The following PALM2AKAP2 variants were observed in gnomAD, a reference collection of about 807,000 sequenced individuals.
PALM2AKAP2 encodes PALM2 and AKAP2 fusion, also known as PALM2-AKAP2 fusion protein.
PALM2AKAP2 carries 37 observed loss-of-function variants against 71.5 expected under a neutral mutation model. That is an observed-to-expected ratio of 0.52 (90% confidence interval 0.40 to 0.68). PALM2AKAP2 has a LOEUF of 0.68. Ranked by LOEUF, PALM2AKAP2 falls within the 30% of genes least tolerant of loss-of-function variation. The pLI, the probability that PALM2AKAP2 is intolerant of heterozygous loss-of-function variation, is 0.00. For missense variants in PALM2AKAP2, 1,224 were observed against 1,191.8 expected (o/e 1.03, Z -0.40); for synonymous variants, 468 against 478.8 (o/e 0.98, Z 0.29).
chr9:110,106,997 G>T (rs11788194), intron 1 of PALM2AKAP2, among the ~76,000 whole-genome samples: 2 of 152,226 alleles, frequency 1.3e-5, no homozygotes, highest in East Asian at 3.9e-4. Context: ...CCGATGGAAG[G>T]TTAAGCTGAA....
Position 110,156,351 on chromosome 9 carries a change from C to T in PALM2AKAP2, c.2602C>T (p.Pro868Ser), listed in dbSNP as rs780584164. The change falls in exon 3 of 4, where the codon CCC becomes TCC. Residue 868 changes from proline (P) to serine (S), a missense_variant. By Grantham distance (74) the Pro-to-Ser change is moderately conservative (BLOSUM62 -1). Coordinates refer to ENST00000374525, the Ensembl canonical transcript of PALM2AKAP2. ...AGAGAAAGTCAAACCTCCTCCATCC[C>T]CCACCACTGAAGGCCCCAGCTTGCA... 66 of 1,604,890 alleles carry T rather than the reference C, an allele frequency of 4.1e-5. No individual in the cohort carries two copies. Among genetic ancestry groups the T allele is most frequent in the Non-Finnish European group, 4.3e-5 (50 of 1,176,162 alleles).
chr9:109,782,794 GAGAGCCAATTA>G (rs1826855711), intron 1 of PALM2AKAP2, among the ~76,000 whole-genome samples: 1 of 151,758 alleles, frequency 6.6e-6, no homozygotes, highest in Non-Finnish European at 1.5e-5. Context: ...GTGTGAGAGA[GAGAGCCAATTA>G]AGAGACAGAG....
intron 1 of PALM2AKAP2, among the ~76,000 whole-genome samples, chr9:109,643,169 A>C (rs1163281583): frequency 6.6e-6 from 1 of 152,216 alleles, no homozygotes; most frequent in African/African-American, 2.4e-5. Flanking sequence ...AGAGTAACAT[A>C]ATTCCCAAGA....
intron 1 of PALM2AKAP2, among the ~76,000 whole-genome samples, chr9:109,743,092 G>A (rs950045214): frequency 6.6e-6 from 1 of 152,018 alleles, no homozygotes; most frequent in Non-Finnish European, 1.5e-5. Context: ...TTTAAGGCAG[G>A]CAAAAAGCTG....
intron 7 of PALM2AKAP2, among the ~76,000 whole-genome samples, chr9:110,040,723 A>C (rs1833497166): frequency 6.6e-6 from 1 of 152,218 alleles, no homozygotes; most frequent in South Asian, 2.1e-4. Flanking sequence ...AAAAGAAGTT[A>C]AGCACCACTG....
At chr9:110,032,533 A>G (rs1833298775) in intron 7 of PALM2AKAP2, among the ~76,000 whole-genome samples, 1 of 151,922 alleles carries the variant, frequency 6.6e-6, no homozygotes, top group Non-Finnish European at 1.5e-5. Context: ...TCTACTAAAA[A>G]TACAAAAATT....
chr9:109,720,252 G>T (rs919818315), intron 1 of PALM2AKAP2, among the ~76,000 whole-genome samples: 5 of 152,134 alleles, frequency 3.3e-5, no homozygotes, highest in Non-Finnish European at 4.4e-5. Flanking sequence ...GCTTCCCAAA[G>T]TGCTGGGATT....
Position 110,136,444 on chromosome 9 carries a change from G to C in PALM2AKAP2, c.474G>C (p.Val158=), listed in dbSNP as rs571404300. The C allele has an allele frequency of 3.1e-6, 5 of 1,614,146 alleles. No homozygotes were observed. In the East Asian group the frequency reaches 8.9e-5, roughly 29 times the overall value. Residue 158 remains valine, a synonymous_variant, in exon 2 of 4, where the codon GTG becomes GTC. Transcript: ENST00000374525. The stretch of plus-strand genomic sequence containing the variant: ...AGGCCAACTGCTGTGATTCTGCTGT[G>C]GATGGAACGTACAATGGAACATCCT...
intron 2 of PALM2AKAP2, among the ~76,000 whole-genome samples, chr9:109,871,317 A>G (rs928467692): frequency 2.6e-5 from 4 of 152,182 alleles, no homozygotes; most frequent in African/African-American, 9.6e-5. Flanking sequence ...ACTAACTGCT[A>G]CATCCCAGTG....
Position 110,135,164 on chromosome 9 carries a change from A to AAAAAAAAAAATATATATAT in PALM2AKAP2, c.157-962_157-961insAAAAAAAAATATATATATA. On this transcript the variant is annotated intron_variant, in intron 1 of 3. Coordinates refer to ENST00000374525, the Ensembl canonical transcript of PALM2AKAP2. ...AACTCTGTCTCTACAAAAAAAAAAA[A>AAAAAAAAAAATATATATAT]ATATATAAATATATATATATATATA... 2.1e-4 allele frequency among the ~76,000 whole-genome samples: 11 copies of AAAAAAAAAAATATATATAT among 51,728 alleles called. 1 individual carries two copies. The South Asian group carries it at 2.2e-3, about 10-fold the overall frequency. The allele number at this position is 51,728 out of a possible 152,430, so 33.9% of individuals were successfully genotyped here. A position where few individuals can be genotyped will look rare whatever the true frequency, so the allele number is the denominator to read the frequency against.
At chr9:109,791,709 A>T (rs992656093) in intron 1 of PALM2AKAP2, among the ~76,000 whole-genome samples, 1 of 152,070 alleles carries the variant, frequency 6.6e-6, no homozygotes, top group African/African-American at 2.4e-5. Flanking sequence ...AGCTTTTGGG[A>T]CTGTGGTAGC....
At chr9:109,899,556 C>T (rs1008408366) in intron 3 of PALM2AKAP2, among the ~76,000 whole-genome samples, 3 of 147,238 alleles carry the variant, frequency 2.0e-5, no homozygotes, top group Non-Finnish European at 4.6e-5. Flanking sequence ...GCTTCAAACC[C>T]TTTACCTGTT....
Position 110,012,563 on chromosome 9 carries a change from C to G in PALM2AKAP2, c.497-3391C>G, listed in dbSNP as rs186009799. 1.1e-3 allele frequency among the ~76,000 whole-genome samples: 157 copies of G among 144,226 alleles called. 1 individual carries two copies. The highest frequency in any genetic ancestry group is 1.1e-3 in the Admixed American group (17 of 14,810). 94.6% of individuals were successfully genotyped at this position (144,226 alleles called of 152,430 possible). A position where few individuals can be genotyped will look rare whatever the true frequency, so the allele number is the denominator to read the frequency against. On this transcript the variant is annotated intron_variant, in intron 6 of 9. Transcript: ENST00000302798. The stretch of plus-strand genomic sequence containing the variant: ...AACATTTCTGTTCTTACAAACTTAT[C>G]ATCAGGATTAATCACATTTTTAAAT...
intron 6 of PALM2AKAP2, among the ~76,000 whole-genome samples, chr9:109,969,568 G>A (rs1588037942): frequency 1.3e-5 from 2 of 152,214 alleles, no homozygotes; most frequent in African/African-American, 2.4e-5. Context: ...GTCATGCAAA[G>A]GTGACATGCT....
intron 3 of PALM2AKAP2, among the ~76,000 whole-genome samples, chr9:109,887,835 A>AT (rs1161050380): frequency 3.3e-5 from 5 of 152,298 alleles, no homozygotes; most frequent in East Asian, 3.9e-4. Context: ...TTTAAGCTAA[A>AT]TTTTTTTGAG....
At chr9:110,009,374 G>A (rs377257758) in intron 6 of PALM2AKAP2, among the ~76,000 whole-genome samples, 63 of 152,216 alleles carry the variant, frequency 4.1e-4, no homozygotes, top group Middle Eastern at 3.4e-3. Flanking sequence ...CTCTTTAGCC[G>A]CCTGACGCCT....
intron 1 of PALM2AKAP2, among the ~76,000 whole-genome samples, chr9:109,819,343 A>T (rs1461368575): frequency 2.6e-5 from 4 of 152,246 alleles, no homozygotes; most frequent in Non-Finnish European, 5.9e-5. Flanking sequence ...AGAAATGAAG[A>T]TAGGGGGCGA....
In PALM2AKAP2 at chr9:110,061,593, A is replaced by G. The variant is rs1490668540; in HGVS notation, c.156+12738A>G. ...TAACCCCCGTAACAACCTTTGATAGAGATACCATTATTTTATATATATATA... is the reference window on the plus strand; with the variant it reads ...TAACCCCCGTAACAACCTTTGATAGGGATACCATTATTTTATATATATATA... On this transcript the variant is annotated intron_variant, in intron 1 of 3. Coordinates refer to ENST00000374525, the Ensembl canonical transcript of PALM2AKAP2. 2.1e-4 allele frequency among the ~76,000 whole-genome samples: 31 copies of G among 148,994 alleles called. No individual in the cohort carries two copies. In the Admixed American group the frequency reaches 2.1e-3, roughly 10 times the overall value.
At chr9:109,768,770 G>A (rs1829204019) in intron 1 of PALM2AKAP2, among the ~76,000 whole-genome samples, 1 of 152,152 alleles carries the variant, frequency 6.6e-6, no homozygotes, top group African/African-American at 2.4e-5. Flanking sequence ...GTTAATATAT[G>A]TAAAGCACTT....
Sources: allele counts gnomAD v4.1 joint callset (sites outside exome capture counted in the v4.1 genomes callset), GRCh38; gene constraint gnomAD v4.1.1; transcripts MANE v1.5; gene names NCBI Gene and HGNC (gene_info 2026-07-23, HGNC 2026-07-21).